Variants in DAB1 observed in about 807,000 individuals in gnomAD.
The protein encoded by DAB1 is disabled homolog 1.
In DAB1, 15 loss-of-function variants were observed where a neutral mutation model predicts 64.6. The ratio of observed to expected loss-of-function variants is 0.23; its 90% CI spans 0.16 to 0.36. The LOEUF is 0.36. Ranked by LOEUF, DAB1 falls within the 10% of genes least tolerant of loss-of-function variation. The probability of loss-of-function intolerance (pLI) is 1.00; values close to 1 mark genes in which losing one functional copy is unlikely to be tolerated. For missense variants in DAB1, 596 were observed against 706.7 expected, an observed-to-expected ratio of 0.84 and a Z score of 1.78; for synonymous variants, 235 against 251.9, an observed-to-expected ratio of 0.93 and a Z score of 0.64.
At chr1:58,393,411 C>G (rs145499418) in intron 3 of DAB1, among the ~76,000 whole-genome samples, 1 of 152,150 alleles carries the variant, frequency 6.6e-6, no homozygotes, top group Non-Finnish European at 1.5e-5. Flanking sequence ...CTAGGCATTA[C>G]GCTAAGAGTT....
chr1:58,241,578 G>GA (rs35943840), intron 4 of DAB1, among the ~76,000 whole-genome samples: 1 of 151,532 alleles, frequency 6.6e-6, no homozygotes, highest in Non-Finnish European at 1.5e-5. Flanking sequence ...GTAGATGAAA[G>GA]AAAAAAATGA....
intron 5 of DAB1, among the ~76,000 whole-genome samples, chr1:57,910,708 T>G (rs1644630246): frequency 6.6e-6 from 1 of 152,190 alleles, no homozygotes; most frequent in South Asian, 2.1e-4. Flanking sequence ...TAATAGATGC[T>G]CGTGTATGTT....
chr1:57,950,581 A>G (rs951882388), intron 5 of DAB1, among the ~76,000 whole-genome samples: 2 of 152,124 alleles, frequency 1.3e-5, no homozygotes, highest in African/African-American at 4.8e-5. Flanking sequence ...TGAAATTGAC[A>G]TGATAAATTC....
intron 1 of DAB1, among the ~76,000 whole-genome samples, chr1:57,385,986 GTT>G (rs1681783485): frequency 6.6e-6 from 1 of 152,128 alleles, no homozygotes; most frequent in African/African-American, 2.4e-5. Context: ...AACAGCAAAG[GTT>G]TCCATCCAAA....
At chr1:57,324,856 GGA>G (rs1263789625) in intron 1 of DAB1, among the ~76,000 whole-genome samples, 1 of 152,118 alleles carries the variant, frequency 6.6e-6, no homozygotes, top group Non-Finnish European at 1.5e-5. Flanking sequence ...TGCCTGCAAA[GGA>G]CAAAGAGTTG....
At chr1:57,286,244 A>C (rs1259415650) in intron 2 of DAB1, among the ~76,000 whole-genome samples, 4 of 152,164 alleles carry the variant, frequency 2.6e-5, no homozygotes, top group Non-Finnish European at 5.9e-5. Flanking sequence ...ATTTGTGAGG[A>C]ACTCTAAAGG....
At chr1:57,299,967 T>G (rs919723253) in intron 1 of DAB1, among the ~76,000 whole-genome samples, 1 of 152,168 alleles carries the variant, frequency 6.6e-6, no homozygotes, top group African/African-American at 2.4e-5. Flanking sequence ...CATACTCTTC[T>G]CCCACCTCCC....
At chr1:57,266,435 T>G (rs548661917) in intron 2 of DAB1, among the ~76,000 whole-genome samples, 32 of 152,222 alleles carry the variant, frequency 2.1e-4, no homozygotes, top group Non-Finnish European at 2.8e-4. Context: ...GATTCACTCA[T>G]GAATTCCTTT....
rs1684403950 is a variant in DAB1 at position 57,415,260 on chromosome 1, C to CACACACACACACACACACACATAT, written c.-137+8646_-137+8669dup. On this transcript the variant is annotated intron_variant, in intron 1 of 14. Transcript: ENST00000371236. ...CTACCTCACACAACACACACACACA[C>CACACACACACACACACACACATAT]ACACACACACACACACACACATATA... Among the ~76,000 whole-genome samples the CACACACACACACACACACACATAT allele has an allele frequency of 2.1e-5, 3 of 145,328 alleles. 1 individual carries two copies. The South Asian group carries it at 6.7e-4, about 32-fold the overall frequency.
chr1:58,504,392 C>G (rs979184975), intron 3 of DAB1, among the ~76,000 whole-genome samples: 2 of 152,156 alleles, frequency 1.3e-5, no homozygotes, highest in Admixed American at 1.3e-4. Context: ...CTCCACACAG[C>G]TAAAGGACTT....
intron 4 of DAB1, among the ~76,000 whole-genome samples, chr1:57,100,909 A>G (rs1654624293): frequency 1.3e-5 from 2 of 152,150 alleles, no homozygotes; most frequent in African/African-American, 4.8e-5. Flanking sequence ...ATAATATTAA[A>G]TATTTTTTAG....
At chr1:58,166,678 T>C (rs969983771) in intron 4 of DAB1, among the ~76,000 whole-genome samples, 6 of 151,928 alleles carry the variant, frequency 3.9e-5, no homozygotes, top group African/African-American at 1.5e-4. Flanking sequence ...TTTCATGATA[T>C]CTGTGAGTAG....
At chr1:57,112,179 G>T (rs1186075556) in intron 4 of DAB1, among the ~76,000 whole-genome samples, 1 of 152,160 alleles carries the variant, frequency 6.6e-6, no homozygotes, top group East Asian at 1.9e-4. Flanking sequence ...ATTCCTTTAT[G>T]TCTGTCTAGA....
At chr1:57,771,605 G>T (rs2101830936) in intron 6 of DAB1, among the ~76,000 whole-genome samples, 1 of 152,210 alleles carries the variant, frequency 6.6e-6, no homozygotes, top group South Asian at 2.1e-4. Flanking sequence ...TATATGACAT[G>T]AAATGAGCCT....
intron 5 of DAB1, among the ~76,000 whole-genome samples, chr1:57,902,097 C>T (rs1039044964): frequency 2.7e-5 from 4 of 150,878 alleles, no homozygotes; most frequent in Admixed American, 1.3e-4. Flanking sequence ...GTGGAGGTTG[C>T]CGTGAGCCAA....
intron 1 of DAB1, among the ~76,000 whole-genome samples, chr1:57,852,866 G>C (rs1653593823): frequency 6.6e-6 from 1 of 152,074 alleles, no homozygotes; most frequent in Non-Finnish European, 1.5e-5. Context: ...AATACTGACT[G>C]TTTTGTTTGT....
chr1:57,701,096 A>C (rs1201553631), intron 6 of DAB1, among the ~76,000 whole-genome samples: 2 of 151,938 alleles, frequency 1.3e-5, no homozygotes, highest in Non-Finnish European at 2.9e-5. Flanking sequence ...ACACTTTTAC[A>C]CTGTTGGTGG....
rs575301241 is a variant in DAB1 at position 57,989,922 on chromosome 1, T to G, written n.388-105760A>C. On this transcript the variant is annotated intron_variant and non_coding_transcript_variant, in intron 5 of 20. Transcript: ENST00000485760. ...TATTTTTTACACCCACCTCCTTTCT[T>G]TTCTTCTCCCTCAAAATTCAGAGTA... 4.4e-4 allele frequency among the ~76,000 whole-genome samples: 67 copies of G among 152,306 alleles called. No individual in the cohort carries two copies. The Middle Eastern group carries it at 0.017, about 39-fold the overall frequency.
chr1:58,376,334 C>T (rs1287233429), intron 3 of DAB1, among the ~76,000 whole-genome samples: 1 of 138,856 alleles, frequency 7.2e-6, no homozygotes, highest in Non-Finnish European at 1.6e-5. Flanking sequence ...AAATTTCCCT[C>T]TACACACTGC....
Sources: allele counts gnomAD v4.1 joint callset (sites outside exome capture counted in the v4.1 genomes callset), GRCh38; gene constraint gnomAD v4.1.1; transcripts MANE v1.5; gene names NCBI Gene and HGNC (gene_info 2026-07-23, HGNC 2026-07-21).